Variants in ATG5 observed in about 807,000 individuals in gnomAD.
ATG5 encodes the protein autophagy protein 5.
ATG5 carries 14 observed loss-of-function variants against 36.5 expected under a neutral mutation model. The observed-to-expected ratio is 0.38, with a 90% CI of 0.25 to 0.60. The LOEUF is 0.60. Ranked by LOEUF, ATG5 falls within the 20% of genes least tolerant of loss-of-function variation. ATG5 has a pLI of 0.60. For missense variants in ATG5, 195 were observed against 326.7 expected (o/e 0.60, Z 3.11); for synonymous variants, 95 against 101.5 (o/e 0.94, Z 0.38).
intron 3 of ATG5, among the ~76,000 whole-genome samples, chr6:106,303,460 T>C (rs1362221440): frequency 6.6e-6 from 1 of 152,022 alleles, no homozygotes; most frequent in Non-Finnish European, 1.5e-5. Flanking sequence ...ACCCAAGTGG[T>C]TTCACTAAAG....
At chr6:106,206,717 A>G (rs1776649511) in intron 6 of ATG5, among the ~76,000 whole-genome samples, 1 of 152,056 alleles carries the variant, frequency 6.6e-6, no homozygotes, top group East Asian at 1.9e-4. Context: ...ATGGACTAAG[A>G]CAATTACCCT....
chr6:106,243,713 C>A (rs562642696), intron 6 of ATG5, among the ~76,000 whole-genome samples: 3 of 151,874 alleles, frequency 2.0e-5, no homozygotes, highest in East Asian at 3.9e-4. Flanking sequence ...CAATTGTAAT[C>A]CTAGCTACTC....
intron 1 of ATG5, among the ~76,000 whole-genome samples, chr6:106,320,817 C>T (rs1370854384): frequency 2.0e-5 from 3 of 152,128 alleles, no homozygotes; most frequent in Non-Finnish European, 4.4e-5. Flanking sequence ...TAGTGCCTAC[C>T]GGTTTTAGAA....
At chr6:106,304,287 A>G (rs937887735) in intron 3 of ATG5, 1 of 152,148 alleles carries the variant, frequency 6.6e-6, no homozygotes, top group African/African-American at 2.4e-5. Flanking sequence ...AAATTTTTTT[A>G]AATTATAAAA....
chr6:106,232,833 C>T (rs1349437381), intron 6 of ATG5, among the ~76,000 whole-genome samples: 1 of 152,148 alleles, frequency 6.6e-6, no homozygotes, highest in Non-Finnish European at 1.5e-5. Flanking sequence ...GAGTGGTTTA[C>T]AGACCTGGAC....
chr6:106,187,973 T>C (rs1302705271), intron 7 of ATG5, among the ~76,000 whole-genome samples: 1 of 152,196 alleles, frequency 6.6e-6, no homozygotes, highest in African/African-American at 2.4e-5. Context: ...GTGCCATAGC[T>C]TAAAACAATT....
At chr6:106,312,122 T>C (rs9480652) in intron 2 of ATG5, among the ~76,000 whole-genome samples, 26,849 of 152,124 alleles carry the variant, frequency 0.18, 2,774 homozygotes, top group African/African-American at 0.28. Flanking sequence ...TGAGCCACTG[T>C]GCCTGGCCTG....
At chr6:106,228,695 G>C (rs1562223742) in intron 6 of ATG5, among the ~76,000 whole-genome samples, 1 of 152,156 alleles carries the variant, frequency 6.6e-6, no homozygotes, top group African/African-American at 2.4e-5. Context: ...CTCCAAAGCG[G>C]TAATATTGGA....
chr6:106,322,783 T>C (rs1320705513), intron 1 of ATG5, among the ~76,000 whole-genome samples: 1 of 152,200 alleles, frequency 6.6e-6, no homozygotes, highest in East Asian at 1.9e-4. Flanking sequence ...ACTCCCACAG[T>C]TTTATCTTCT....
chr6:106,199,732 GT>G (rs1266253832), intron 7 of ATG5, among the ~76,000 whole-genome samples: 4 of 152,178 alleles, frequency 2.6e-5, no homozygotes, highest in Non-Finnish European at 5.9e-5. Context: ...TGGATTAGGA[GT>G]CTAAGATAGT....
intron 7 of ATG5, among the ~76,000 whole-genome samples, chr6:106,198,235 TA>T (rs1322643481): frequency 6.6e-6 from 1 of 152,110 alleles, no homozygotes; most frequent in Admixed American, 6.6e-5. Context: ...TAACTATCTC[TA>T]AAGATATACA....
chr6:106,200,945 G>C lies in ATG5; in HGVS notation c.691+1027C>G, dbSNP rs370666495. ...ATGAAGGATTGGTTCAAGGATCCCT[G>C]AGGATACCAAAATCCACCCAGGCTC... On this transcript the variant is annotated intron_variant, in intron 7 of 7. Coordinates refer to ENST00000369076, the MANE Select transcript of ATG5 (RefSeq NM_004849.4). 8.5e-5 allele frequency among the ~76,000 whole-genome samples: 13 copies of C among 152,234 alleles called. 1 individual carries two copies. Among genetic ancestry groups the C allele is most frequent in the Admixed American group, 3.3e-4 (5 of 15,296 alleles).
At chr6:106,226,629 C>T (rs1777462401) in intron 6 of ATG5, among the ~76,000 whole-genome samples, 1 of 152,186 alleles carries the variant, frequency 6.6e-6, no homozygotes, top group African/African-American at 2.4e-5. Context: ...CAGATTAGTT[C>T]TGTCTGGTCT....
At chr6:106,227,760 T>C (rs7754064) in intron 6 of ATG5, among the ~76,000 whole-genome samples, 2,150 of 152,310 alleles carry the variant, frequency 0.014, 52 homozygotes, top group African/African-American at 0.049. Flanking sequence ...CTACACATAA[T>C]ACTGTAACTG....
At chr6:106,190,741 GAAA>G (rs531183646) in intron 7 of ATG5, among the ~76,000 whole-genome samples, 1 of 150,842 alleles carries the variant, frequency 6.6e-6, no homozygotes, top group African/African-American at 2.4e-5. Context: ...ATTACATATA[GAAA>G]AAAAATAAGA....
At position 106,277,742 on chromosome 6, in the gene ATG5, A is replaced by G. The variant is rs140309828; in HGVS notation, c.478+1919T>C. ...GACATGATAATCGCTTGAACCTGGA[A>G]GGCAAAGGATGCAGTGAGCTGAGAT... On this transcript the variant is annotated intron_variant, in intron 5 of 7. Coordinates refer to ENST00000369076, the MANE Select transcript of ATG5 (RefSeq NM_004849.4). Among the ~76,000 whole-genome samples, 174 of 152,328 alleles carry G rather than the reference A, an allele frequency of 1.1e-3. 4 individuals are homozygous for G. The highest frequency in any genetic ancestry group is 3.5e-4 in the Non-Finnish European group (24 of 68,044).
chr6:106,323,006 G>A (rs1226416257), intron 1 of ATG5, among the ~76,000 whole-genome samples: 4 of 151,816 alleles, frequency 2.6e-5, no homozygotes, highest in Non-Finnish European at 5.9e-5. Context: ...TGCAAGCTCT[G>A]CCTCCCGGGT....
At chr6:106,255,682 C>G (rs1778773626) in intron 5 of ATG5, among the ~76,000 whole-genome samples, 1 of 152,090 alleles carries the variant, frequency 6.6e-6, no homozygotes, top group African/African-American at 2.4e-5. Context: ...AGATTCAAAA[C>G]TCAAAAATTT....
chr6:106,218,107 T>C (rs1777107811), intron 6 of ATG5, among the ~76,000 whole-genome samples: 1 of 151,946 alleles, frequency 6.6e-6, no homozygotes, highest in African/African-American at 2.4e-5. Flanking sequence ...TGGTAAGGGG[T>C]TGAGTAAGGA....
Sources: allele counts gnomAD v4.1 joint callset (sites outside exome capture counted in the v4.1 genomes callset), GRCh38; gene constraint gnomAD v4.1.1; transcripts MANE v1.5; gene names NCBI Gene and HGNC (gene_info 2026-07-23, HGNC 2026-07-21).